Variants in ERG observed in about 807,000 individuals in gnomAD.
ERG encodes ETS transcription factor ERG.
ERG carries 9 observed loss-of-function variants against 55.3 expected under a neutral mutation model. The ratio of observed to expected loss-of-function variants is 0.16; its 90% CI spans 0.10 to 0.28. The LOEUF is 0.28. ERG is among the 10% of genes least tolerant of loss of function. The pLI is 1.00. For synonymous variants in ERG, 223 were observed against 237.3 expected (o/e 0.94, Z 0.55); for missense variants, 434 against 631.6 (o/e 0.69, Z 3.35).
At chr21:38,508,195 C>T (rs2059484530) in intron 2 of ERG, among the ~76,000 whole-genome samples, 2 of 151,900 alleles carry the variant, frequency 1.3e-5, no homozygotes, top group Admixed American at 1.3e-4. Context: ...CCCCTCTTCT[C>T]CCCACTGTCA....
intron 2 of ERG, among the ~76,000 whole-genome samples, chr21:38,518,280 CTATCTATCTATT>C (rs1463654645): frequency 6.9e-6 from 1 of 145,606 alleles, no homozygotes; most frequent in African/African-American, 2.7e-5. Flanking sequence ...ATCTATCTAT[CTATCTATCTATT>C]TATAGTATCC....
intron 6 of ERG, among the ~76,000 whole-genome samples, chr21:38,398,156 G>A (rs1329445599): frequency 3.3e-5 from 5 of 152,136 alleles, no homozygotes; most frequent in Non-Finnish European, 7.4e-5. Context: ...TCCCTCTGGA[G>A]CTCGTTCAGC....
chr21:38,405,662 T>C (rs567462536), intron 3 of ERG, among the ~76,000 whole-genome samples: 1 of 152,254 alleles, frequency 6.6e-6, no homozygotes, highest in Admixed American at 6.5e-5. Flanking sequence ...TGGGAGCTAA[T>C]TAGAAATGCT....
chr21:38,437,178 C>A (rs2058798607), intron 2 of ERG, among the ~76,000 whole-genome samples: 1 of 152,182 alleles, frequency 6.6e-6, no homozygotes, highest in Admixed American at 6.5e-5. Context: ...TGTGAGCCAC[C>A]TGCACCCGGC....
At chr21:38,464,457 T>C (rs1441230304) in intron 1 of ERG, among the ~76,000 whole-genome samples, 1 of 152,236 alleles carries the variant, frequency 6.6e-6, no homozygotes, top group East Asian at 1.9e-4. Context: ...ATTAATACAA[T>C]TCATAATTAA....
chr21:38,647,163 GT>G (rs2060462264), intron 1 of ERG, among the ~76,000 whole-genome samples: 1 of 152,170 alleles, frequency 6.6e-6, no homozygotes, highest in African/African-American at 2.4e-5. Context: ...TCCATCTTTT[GT>G]TTTCTCATTA....
intron 1 of ERG, among the ~76,000 whole-genome samples, chr21:38,598,310 T>C (rs527634821): frequency 6.6e-6 from 1 of 152,192 alleles, no homozygotes; most frequent in Non-Finnish European, 1.5e-5. Flanking sequence ...AGCCGGACTA[T>C]GAGACTGGCT....
intron 1 of ERG, among the ~76,000 whole-genome samples, chr21:38,449,368 C>A (rs1347901638): frequency 1.3e-5 from 2 of 152,082 alleles, no homozygotes; most frequent in Non-Finnish European, 2.9e-5. Context: ...AAGCAAATTA[C>A]CCCCAAACAA....
intron 1 of ERG, among the ~76,000 whole-genome samples, chr21:38,607,743 T>C (rs576502868): frequency 1.5e-3 from 235 of 152,306 alleles, no homozygotes; most frequent in African/African-American, 5.4e-3. Context: ...AAGATAAGCA[T>C]TGATACAATT....
At chr21:38,454,466 C>G (rs948323748) in intron 1 of ERG, among the ~76,000 whole-genome samples, 1 of 152,192 alleles carries the variant, frequency 6.6e-6, no homozygotes, top group Non-Finnish European at 1.5e-5. Flanking sequence ...ACAACTTCCC[C>G]AGGTGAGCTG....
intron 1 of ERG, among the ~76,000 whole-genome samples, chr21:38,641,942 A>G (rs1193278209): frequency 6.6e-6 from 1 of 152,304 alleles, no homozygotes; most frequent in East Asian, 1.9e-4. Flanking sequence ...TTGGCCTGGG[A>G]TAGGACCTGG....
the ERG span, among the ~76,000 whole-genome samples, chr21:38,367,422 C>T: frequency 9.2e-5 from 14 of 152,154 alleles, no homozygotes; most frequent in Non-Finnish European, 1.5e-4. Context: ...TGAGGTTACA[C>T]GAAGGCTTGA....
intron 1 of ERG, among the ~76,000 whole-genome samples, chr21:38,653,463 C>T (rs1396189005): frequency 2.6e-5 from 4 of 152,184 alleles, no homozygotes; most frequent in African/African-American, 9.7e-5. Flanking sequence ...AGGCATTCCA[C>T]TTGTCCTGTA....
At chr21:38,589,314 A>G (rs901549245), upstream of ERG, among the ~76,000 whole-genome samples, 5 of 152,202 alleles carry the variant, frequency 3.3e-5, no homozygotes, top group African/African-American at 1.2e-4. Flanking sequence ...CCCCACAGTT[A>G]TGGTGAACAC....
At chr21:38,377,323 T>G (rs1328417413), downstream of ERG, among the ~76,000 whole-genome samples, 1 of 152,214 alleles carries the variant, frequency 6.6e-6, no homozygotes, top group Non-Finnish European at 1.5e-5. Flanking sequence ...TATCTGGAAT[T>G]ACTTAGAACT....
At chr21:38,603,564 C>T (rs2060177646) in intron 1 of ERG, among the ~76,000 whole-genome samples, 1 of 151,916 alleles carries the variant, frequency 6.6e-6, no homozygotes, top group South Asian at 2.1e-4. Flanking sequence ...AAAGAAGTGG[C>T]GAATCTGGGG....
At chr21:38,491,441 T>C (rs1397576080) in intron 1 of ERG, among the ~76,000 whole-genome samples, 1 of 152,088 alleles carries the variant, frequency 6.6e-6, no homozygotes, top group Non-Finnish European at 1.5e-5. Context: ...ATTTAAAAAG[T>C]GGAATGTGTT....
intron 2 of ERG, among the ~76,000 whole-genome samples, chr21:38,432,174 A>C (rs761929892): frequency 6.6e-6 from 1 of 152,148 alleles, no homozygotes; most frequent in Admixed American, 6.5e-5. Context: ...AGCTCACTGC[A>C]GTCTCAAACT....
chr21:38,608,328 G>A (rs2060207710), intron 1 of ERG, among the ~76,000 whole-genome samples: 1 of 152,154 alleles, frequency 6.6e-6, no homozygotes, highest in African/African-American at 2.4e-5. Flanking sequence ...TTACTATCAG[G>A]ACAAGTTAGA....
Sources: allele counts gnomAD v4.1 joint callset (sites outside exome capture counted in the v4.1 genomes callset), GRCh38; gene constraint gnomAD v4.1.1; transcripts MANE v1.5; gene names NCBI Gene and HGNC (gene_info 2026-07-23, HGNC 2026-07-21).